Variants in SERHL2 observed in about 807,000 individuals in gnomAD.
SERHL2 encodes the protein serine hydrolase like 2.
SERHL2 carries 29 observed loss-of-function variants against 25.5 expected under a neutral mutation model. That is an observed-to-expected ratio of 1.14 (90% CI 0.85 to 1.55). The LOEUF (loss-of-function observed/expected upper bound fraction) is 1.55. SERHL2 is among the 40% of genes most tolerant of loss of function. The pLI is 0.00. For synonymous variants in SERHL2, 95 were observed against 103.5 expected (o/e 0.92, Z 0.50); for missense variants, 240 against 252.3 (o/e 0.95, Z 0.33).
intron 8 of SERHL2, among the ~76,000 whole-genome samples, chr22:42,564,084 A>G (rs1022848504): frequency 6.6e-6 from 1 of 152,004 alleles, no homozygotes; most frequent in Admixed American, 6.5e-5. Context: ...GAAAAAAAAA[A>G]GACAAGAAAA....
chr22:42,566,605 T>A (rs891614225), intron 9 of SERHL2, among the ~76,000 whole-genome samples: 6 of 151,696 alleles, frequency 4.0e-5, no homozygotes, highest in Admixed American at 3.3e-4. Flanking sequence ...TACTTAATGA[T>A]TGTCAATTTA....
chr22:42,566,572 A>G (rs567633023), intron 9 of SERHL2, among the ~76,000 whole-genome samples: 1 of 151,606 alleles, frequency 6.6e-6, no homozygotes. Flanking sequence ...AAAAAAACAA[A>G]AGAAATTATA....
At chr22:42,556,851 G>A (rs1273562808) in intron 6 of SERHL2, among the ~76,000 whole-genome samples, 1 of 105,964 alleles carries the variant, frequency 9.4e-6, no homozygotes, top group African/African-American at 4.6e-5. Context: ...GGCTGATCAC[G>A]CAGTGGCAGG....
At chr22:42,566,043 C>T (rs921495547) in intron 8 of SERHL2, among the ~76,000 whole-genome samples, 5 of 152,026 alleles carry the variant, frequency 3.3e-5, no homozygotes, top group South Asian at 2.1e-4. Flanking sequence ...CCTAAGCTCC[C>T]GCCCTCATTC....
chr22:42,554,294 G>A (rs573789785), intron 1 of SERHL2, among the ~76,000 whole-genome samples: 1 of 152,276 alleles, frequency 6.6e-6, no homozygotes, highest in East Asian at 1.9e-4. Flanking sequence ...GGTGTCGGGG[G>A]TGCGCAAGTC....
At chr22:42,561,975 A>T (rs186564341) in intron 8 of SERHL2, among the ~76,000 whole-genome samples, 2 of 151,850 alleles carry the variant, frequency 1.3e-5, no homozygotes, top group African/African-American at 4.8e-5. Flanking sequence ...GGTCACAGGA[A>T]ACAGTGAATG....
At chr22:42,559,551 A>G (rs960142214) in intron 7 of SERHL2, among the ~76,000 whole-genome samples, 34 of 151,556 alleles carry the variant, frequency 2.2e-4, no homozygotes, top group African/African-American at 8.2e-4. Flanking sequence ...AAATACAAAA[A>G]ATTAGCCAAG....
intron 11 of SERHL2, chr22:42,573,636 C>T (rs1248325981): frequency 2.8e-6 from 1 of 360,098 alleles, no homozygotes; most frequent in African/African-American, 2.1e-5. Context: ...CTCACGGGTA[C>T]CTCTTCTGAT....
chr22:42,574,318 C>CTGGGCCCACCTAGCCTTT lies in SERHL2; in HGVS notation c.*264_*281dup. On this transcript the variant is annotated 3_prime_UTR_variant, in exon 12 of 12. Transcript: ENST00000327678. Reference sequence around the variant, plus strand: ...GCCAGCTGGAGGAAGGAAGGGCAGGCTGGGCCCACCTAGCCTTTCCCTGCT... The same window carrying CTGGGCCCACCTAGCCTTT: ...GCCAGCTGGAGGAAGGAAGGGCAGGCTGGGCCCACCTAGCCTTTTGGGCCCACCTAGCCTTTCCCTGCT... The CTGGGCCCACCTAGCCTTT allele has an allele frequency of 1.9e-6, 1 of 536,430 alleles. No individual in the cohort carries two copies. Among genetic ancestry groups the CTGGGCCCACCTAGCCTTT allele is most frequent in the Non-Finnish European group, 3.3e-6 (1 of 301,932 alleles). The allele number at this position is 536,430 out of a possible 1,614,324, so 33.2% of individuals were successfully genotyped here.
At position 42,555,647 on chromosome 22, in the gene SERHL2, G is replaced by A; in HGVS notation, c.287-17G>A. On this transcript the variant is annotated splice_polypyrimidine_tract_variant and intron_variant, in intron 3 of 11. Coordinates refer to ENST00000327678, the MANE Select transcript of SERHL2 (RefSeq NM_014509.5). ...AGCCTGTGCCCAGCCGGACCTTCTG[G>A]CTCCTTGCATTTCCAGCCTTGAAAT... 1 of 104,896 alleles carries A rather than the reference G, an allele frequency of 9.5e-6. No homozygotes were observed. Among genetic ancestry groups the A allele is most frequent in the South Asian group, 7.3e-5 (1 of 13,710 alleles). The allele number at this position is 104,896 out of a possible 1,614,324, so 6.5% of individuals were successfully genotyped here. A position where few individuals can be genotyped will look rare whatever the true frequency, so the allele number is the denominator to read the frequency against.
chr22:42,570,594 G>A (rs1345677205), intron 9 of SERHL2, among the ~76,000 whole-genome samples: 2 of 152,174 alleles, frequency 1.3e-5, no homozygotes, highest in Admixed American at 1.3e-4. Flanking sequence ...CCATCCAGAC[G>A]TAAAACAGTC....
intron 11 of SERHL2, chr22:42,573,632 G>A (rs995396835): frequency 2.6e-5 from 9 of 347,084 alleles, no homozygotes; most frequent in South Asian, 1.1e-4. Context: ...TTTTCTCACG[G>A]GTACCTCTTC....
chr22:42,560,136 C>G (rs373733085), intron 7 of SERHL2, 50 bp from the exon 8 acceptor site: 1 of 1,424,434 alleles, frequency 7.0e-7, no homozygotes, highest in African/African-American at 1.4e-5. Flanking sequence ...TTTATCTGAC[C>G]TCCTTTTTAT....
rs773791114 is a variant in SERHL2, at chr22:42,571,182, A to G, written c.710A>G (p.Gln237Arg). 6.2e-6 allele frequency: 10 copies of G among 1,613,506 alleles called. No individual in the cohort carries two copies. Among genetic ancestry groups the G allele is most frequent in the Non-Finnish European group, 8.5e-6 (10 of 1,179,666 alleles). Residue 237 changes from glutamine (Q) to arginine (R), a missense_variant, in exon 10 of 12, where the codon CAG becomes CGG. By Grantham distance (43) the Gln-to-Arg change is conservative. Transcript: ENST00000327678. ...ELCAHSIRKL[Q>R]AHVLLIKAVH... ...TGTGCGCATTCCATCAGGAAGCTGC[A>G]GGCCCATGTCCTGTTGATCAAGTAA... is the stretch of plus-strand genomic sequence containing the variant.
chr22:42,565,015 T>C (rs1923172143), intron 8 of SERHL2: 1 of 152,054 alleles, frequency 6.6e-6, no homozygotes, highest in Non-Finnish European at 1.5e-5. Flanking sequence ...TTATTTCACC[T>C]GGGTGCAGGC....
In SERHL2 at chr22:42,554,006, C is replaced by T. The variant is rs753003813; in HGVS notation, c.-15C>T. The T allele has an allele frequency of 4.2e-5, 68 of 1,613,374 alleles. No homozygotes were observed. The highest frequency in any genetic ancestry group is 8.9e-5 in the East Asian group (4 of 44,860). On this transcript the variant is annotated 5_prime_UTR_variant, in exon 1 of 12. Coordinates refer to ENST00000327678, the MANE Select transcript of SERHL2 (RefSeq NM_014509.5). ...CGTGAGGGAGTGACAGCAGCGCATTCGCGGGACGAGAGCGATGAGTGAGAA... is the reference window on the plus strand; with the variant it reads ...CGTGAGGGAGTGACAGCAGCGCATTTGCGGGACGAGAGCGATGAGTGAGAA...
intron 11 of SERHL2, 91 bp from the exon 12 acceptor site, chr22:42,573,845 G>A: frequency 7.9e-7 from 1 of 1,264,800 alleles, no homozygotes; most frequent in Non-Finnish European, 1.1e-6. Flanking sequence ...CAGGGAGCTG[G>A]AATGCTGTGG....
intron 8 of SERHL2, among the ~76,000 whole-genome samples, chr22:42,561,747 G>C (rs1922709411): frequency 1.3e-5 from 2 of 151,884 alleles, no homozygotes; most frequent in Non-Finnish European, 2.9e-5. Context: ...CCTGTGGGCT[G>C]TTTTGGCCTC....
intron 8 of SERHL2, among the ~76,000 whole-genome samples, chr22:42,561,844 G>A (rs1462000695): frequency 1.3e-5 from 2 of 151,812 alleles, no homozygotes; most frequent in South Asian, 4.1e-4. Context: ...TCATGGGGAG[G>A]GGAGGTCAAG....
Sources: allele counts gnomAD v4.1 joint callset (sites outside exome capture counted in the v4.1 genomes callset), GRCh38; gene constraint gnomAD v4.1.1; transcripts MANE v1.5; gene names NCBI Gene and HGNC (gene_info 2026-07-23, HGNC 2026-07-21).